Variants in LRRTM3 observed in about 807,000 individuals in gnomAD.
LRRTM3 encodes the protein leucine rich repeat transmembrane neuronal 3.
Under a neutral mutation model 44.7 loss-of-function variants are expected in LRRTM3, and 24 were observed. The observed-to-expected ratio is 0.54, with a 90% CI of 0.39 to 0.76. LRRTM3 has a LOEUF of 0.76. Ranked by LOEUF, LRRTM3 falls within the 30% of genes least tolerant of loss-of-function variation. The pLI, the probability that LRRTM3 is intolerant of heterozygous loss-of-function variation, is 0.00. For synonymous variants in LRRTM3, 277 were observed against 278.7 expected (o/e 0.99, Z 0.06); for missense variants, 587 against 702.2 (o/e 0.84, Z 1.85).
chr10:67,017,752 T>TGTGC (rs1491459209), intron 2 of LRRTM3, among the ~76,000 whole-genome samples: 1,811 of 145,942 alleles, frequency 0.012, 31 homozygotes, highest in African/African-American at 0.037. Context: ...TGTGTGTGTG[T>TGTGC]GCGCGCGTAC....
chr10:66,940,240 C>T (rs949264495), intron 2 of LRRTM3, among the ~76,000 whole-genome samples: 3 of 152,044 alleles, frequency 2.0e-5, no homozygotes, highest in Non-Finnish European at 2.9e-5. Flanking sequence ...TGGCTCATGC[C>T]TATAGGCCCA....
chr10:67,076,527 G>C (rs527625470), intron 2 of LRRTM3, among the ~76,000 whole-genome samples: 1 of 152,146 alleles, frequency 6.6e-6, no homozygotes, highest in East Asian at 1.9e-4. Flanking sequence ...TTCTTATAAA[G>C]TAAGTCAGAT....
At chr10:67,003,666 T>C (rs1851807863) in intron 2 of LRRTM3, among the ~76,000 whole-genome samples, 1 of 152,164 alleles carries the variant, frequency 6.6e-6, no homozygotes, top group Non-Finnish European at 1.5e-5. Context: ...CTTATTAACA[T>C]AAAACTAGTG....
At chr10:67,069,234 A>G (rs766725085) in intron 2 of LRRTM3, among the ~76,000 whole-genome samples, 1 of 151,998 alleles carries the variant, frequency 6.6e-6, no homozygotes, top group Non-Finnish European at 1.5e-5. Context: ...ATCAAAGTAT[A>G]CCCTTTTTTA....
chr10:66,989,129 G>A (rs1850896478), intron 2 of LRRTM3, among the ~76,000 whole-genome samples: 1 of 151,956 alleles, frequency 6.6e-6, no homozygotes, highest in South Asian at 2.1e-4. Context: ...CTCTTGTCTA[G>A]CAGCAAGAAA....
intron 2 of LRRTM3, among the ~76,000 whole-genome samples, chr10:67,001,176 C>T (rs771503607): frequency 7.9e-5 from 12 of 151,234 alleles, no homozygotes; most frequent in Non-Finnish European, 1.6e-4. Flanking sequence ...TGGTGTGTGC[C>T]TGTAATCCCA....
chr10:66,949,747 T>C (rs939912530), intron 2 of LRRTM3, among the ~76,000 whole-genome samples: 2 of 152,162 alleles, frequency 1.3e-5, no homozygotes. Context: ...GCAGACTTGC[T>C]AGACACAGGC....
At chr10:66,982,783 C>T (rs1476809081) in intron 2 of LRRTM3, among the ~76,000 whole-genome samples, 2 of 152,102 alleles carry the variant, frequency 1.3e-5, no homozygotes, top group Non-Finnish European at 2.9e-5. Flanking sequence ...TGTCAAAATA[C>T]AGGTATGAAT....
At chr10:66,936,995 C>T (rs973594876) in intron 2 of LRRTM3, among the ~76,000 whole-genome samples, 2 of 152,086 alleles carry the variant, frequency 1.3e-5, no homozygotes, top group African/African-American at 2.4e-5. Flanking sequence ...CTATAGATTC[C>T]TCAGTATTTT....
intron 2 of LRRTM3, among the ~76,000 whole-genome samples, chr10:67,014,697 C>A (rs1852548423): frequency 6.6e-6 from 1 of 151,618 alleles, no homozygotes; most frequent in Non-Finnish European, 1.5e-5. Context: ...TGATATATGT[C>A]CTATATAAAA....
At chr10:66,985,816 C>A (rs773261560) in intron 2 of LRRTM3, among the ~76,000 whole-genome samples, 1 of 152,248 alleles carries the variant, frequency 6.6e-6, no homozygotes, top group Non-Finnish European at 1.5e-5. Flanking sequence ...CAATCTTCAC[C>A]TCCTGGGTTC....
At chr10:67,094,274 T>G (rs887315333) in intron 2 of LRRTM3, among the ~76,000 whole-genome samples, 1 of 151,940 alleles carries the variant, frequency 6.6e-6, no homozygotes, top group African/African-American at 2.4e-5. Context: ...GGTTCCTAAA[T>G]GGATATCCTA....
intron 2 of LRRTM3, among the ~76,000 whole-genome samples, chr10:66,937,124 T>G (rs1847751879): frequency 6.6e-6 from 1 of 152,102 alleles, no homozygotes; most frequent in East Asian, 1.9e-4. Flanking sequence ...ATACAAAGTC[T>G]TTCTCCTTAA....
At chr10:67,016,476 G>A (rs1333510259) in intron 2 of LRRTM3, among the ~76,000 whole-genome samples, 1 of 152,110 alleles carries the variant, frequency 6.6e-6, no homozygotes, top group African/African-American at 2.4e-5. Flanking sequence ...AGACTGCCTG[G>A]GCTGAAAGAC....
At chr10:67,016,930 T>C (rs1474594544) in intron 2 of LRRTM3, among the ~76,000 whole-genome samples, 4 of 152,206 alleles carry the variant, frequency 2.6e-5, no homozygotes, top group Non-Finnish European at 5.9e-5. Flanking sequence ...ACCATCAAAA[T>C]GTCTGGTTCA....
At chr10:67,084,395 T>C (rs1321546884) in intron 2 of LRRTM3, among the ~76,000 whole-genome samples, 2 of 151,972 alleles carry the variant, frequency 1.3e-5, no homozygotes, top group African/African-American at 4.8e-5. Flanking sequence ...TAATTGACTA[T>C]CACAACATCA....
intron 2 of LRRTM3, among the ~76,000 whole-genome samples, chr10:66,968,546 G>A (rs1202573031): frequency 6.6e-6 from 1 of 151,846 alleles, no homozygotes; most frequent in Non-Finnish European, 1.5e-5. Flanking sequence ...AGAAGCGATT[G>A]GATTCAGGAG....
chr10:67,034,075 A>G (rs1480899354), intron 2 of LRRTM3, among the ~76,000 whole-genome samples: 25 of 152,112 alleles, frequency 1.6e-4, no homozygotes, highest in Admixed American at 1.6e-3. Context: ...CCCGGCCTAT[A>G]CTGCTTCTTA....
intron 2 of LRRTM3, among the ~76,000 whole-genome samples, chr10:67,094,974 A>G (rs1857887083): frequency 6.6e-6 from 1 of 151,374 alleles, no homozygotes; most frequent in Non-Finnish European, 1.5e-5. Flanking sequence ...ACCTGATTTA[A>G]ATGATTTTGA....
Sources: gnomAD v4.1 joint callset for allele counts (sites outside exome capture counted in the v4.1 genomes callset) on GRCh38, gnomAD v4.1.1 for gene constraint, MANE v1.5 for transcripts, NCBI Gene and HGNC (gene_info 2026-07-23, HGNC 2026-07-21) for gene names.